The following ROPN1L variants were observed in gnomAD, a reference collection of about 807,000 sequenced individuals.
ROPN1L encodes the protein rhophilin associated tail protein 1 like.
ROPN1L carries 23 observed loss-of-function variants against 22.7 expected under a neutral mutation model. The ratio of observed to expected loss-of-function variants is 1.01; its 90% CI spans 0.73 to 1.43. The LOEUF is 1.43. Ranked by LOEUF, ROPN1L falls within the 40% of genes most tolerant of loss-of-function variation. The pLI is 0.00. For missense variants in ROPN1L, 271 were observed against 291.5 expected (o/e 0.93, Z 0.51); for synonymous variants, 116 against 117.8 (o/e 0.98, Z 0.10).
chr5:10,457,913 C>T (rs1202164398), intron 3 of ROPN1L, among the ~76,000 whole-genome samples: 1 of 152,088 alleles, frequency 6.6e-6, no homozygotes, highest in African/African-American at 2.4e-5. Flanking sequence ...GGGATGTCAG[C>T]CACCTCCGTG....
chr5:10,475,959 C>T (rs1735311463), downstream of ROPN1L, among the ~76,000 whole-genome samples: 3 of 152,210 alleles, frequency 2.0e-5, no homozygotes, highest in South Asian at 4.1e-4. Flanking sequence ...TCCATCTTGT[C>T]GCTTTGCCAT....
intron 4 of ROPN1L, among the ~76,000 whole-genome samples, chr5:10,470,273 T>G (rs56264694): frequency 0.73 from 111,237 of 152,168 alleles, 41,645 homozygotes; most frequent in Non-Finnish European, 0.81. Context: ...TTGTACAATT[T>G]GTACAATTGT....
At chr5:10,476,428 C>A (rs569676898), downstream of ROPN1L, among the ~76,000 whole-genome samples, 9 of 152,318 alleles carry the variant, frequency 5.9e-5, no homozygotes, top group Non-Finnish European at 8.8e-5. Context: ...AAAGTAGGAA[C>A]GTGGCAGATG....
intron 3 of ROPN1L, among the ~76,000 whole-genome samples, chr5:10,459,562 G>A (rs982576670): frequency 3.3e-5 from 5 of 151,930 alleles, no homozygotes; most frequent in South Asian, 2.1e-4. Flanking sequence ...CTCATTTCCC[G>A]CATCCCTGCC....
downstream of ROPN1L, among the ~76,000 whole-genome samples, chr5:10,465,217 T>G (rs2126474025): frequency 6.6e-6 from 1 of 152,350 alleles, no homozygotes; most frequent in South Asian, 2.1e-4. Flanking sequence ...CTGGGCAGTT[T>G]GAAAAGTGGC....
chr5:10,468,471 A>G (rs979998013), downstream of ROPN1L, among the ~76,000 whole-genome samples: 3 of 152,204 alleles, frequency 2.0e-5, no homozygotes, highest in Admixed American at 2.0e-4. Context: ...TGAATCATCT[A>G]TGTTCCCCTT....
intron 3 of ROPN1L, among the ~76,000 whole-genome samples, chr5:10,456,905 G>A (rs1741439346): frequency 6.6e-6 from 1 of 152,172 alleles, no homozygotes; most frequent in Admixed American, 6.5e-5. Context: ...CTCCATCCAC[G>A]CCAACTCCTT....
intron 4 of ROPN1L, among the ~76,000 whole-genome samples, chr5:10,462,771 C>T (rs957537472): frequency 1.3e-5 from 2 of 152,100 alleles, no homozygotes; most frequent in African/African-American, 4.8e-5. Flanking sequence ...CCTGTAATCC[C>T]AGCTACTCAG....
downstream of ROPN1L, among the ~76,000 whole-genome samples, chr5:10,468,155 C>T (rs1052845347): frequency 5.3e-5 from 8 of 152,240 alleles, no homozygotes; most frequent in African/African-American, 9.6e-5. Context: ...CCCTGCCTCA[C>T]GGTTGACTGT....
downstream of ROPN1L, chr5:10,465,076 T>C (rs139323648): frequency 4.2e-5 from 21 of 501,078 alleles, no homozygotes; most frequent in African/African-American, 3.7e-4. Context: ...GTGTGACTGC[T>C]TCGTGGGGCC....
chr5:10,442,121 T>G lies in ROPN1L; in HGVS notation c.-47T>G, dbSNP rs776629239. 1.3e-6 allele frequency: 2 copies of G among 1,583,864 alleles called. No individual in the cohort carries two copies. The highest frequency in any genetic ancestry group is 2.2e-5 in the South Asian group (2 of 89,338). On this transcript the variant is annotated 5_prime_UTR_variant, in exon 1 of 5. Coordinates refer to ENST00000274134, the MANE Select transcript of ROPN1L (RefSeq NM_031916.5). ...CGTAGCCGACAGCCGCCCTTCTTCC[T>G]CGCAGCGCGCCGCGATTCACCAGCC...
intron 3 of ROPN1L, among the ~76,000 whole-genome samples, chr5:10,460,105 G>A (rs1047903691): frequency 2.0e-5 from 3 of 152,264 alleles, no homozygotes; most frequent in African/African-American, 2.4e-5. Context: ...GGCCAGCTGC[G>A]GAATTAGGAC....
At chr5:10,453,936 C>T (rs549747859) in intron 3 of ROPN1L, among the ~76,000 whole-genome samples, 2 of 152,310 alleles carry the variant, frequency 1.3e-5, no homozygotes, top group Non-Finnish European at 2.9e-5. Flanking sequence ...ATCCTTGAAG[C>T]CCTGAACACT....
chr5:10,443,514 C>G (rs1333012183), intron 1 of ROPN1L, among the ~76,000 whole-genome samples: 1 of 151,220 alleles, frequency 6.6e-6, no homozygotes, highest in Non-Finnish European at 1.5e-5. Flanking sequence ...CCCAGCTACT[C>G]GGGAGGCTGA....
In ROPN1L at chr5:10,450,122, C is replaced by T; in HGVS notation, c.417+9C>T. On this transcript the variant is annotated intron_variant, in intron 3 of 4. Transcript: ENST00000274134. Reference sequence around the variant, plus strand: ...GCAGCATGCTTGGTGGGGTATGTACCTATAAACAGCATATTAATAATTCTG... The same window carrying T: ...GCAGCATGCTTGGTGGGGTATGTACTTATAAACAGCATATTAATAATTCTG... 1 of 1,571,930 alleles carries T rather than the reference C, an allele frequency of 6.4e-7. No individual in the cohort carries two copies. The highest frequency in any genetic ancestry group is 8.6e-7 in the Non-Finnish European group (1 of 1,160,218).
chr5:10,443,975 A>G (rs1247125484), intron 1 of ROPN1L, among the ~76,000 whole-genome samples: 1 of 152,080 alleles, frequency 6.6e-6, no homozygotes, highest in African/African-American at 2.4e-5. Flanking sequence ...TACCATGTAA[A>G]GTAACATTCC....
rs911892479 is a variant in ROPN1L at position 10,450,061 on chromosome 5, A to G, written c.365A>G (p.Asn122Ser). The G allele has an allele frequency of 6.2e-7, 1 of 1,613,880 alleles. No homozygotes were observed. Among genetic ancestry groups the G allele is most frequent in the Admixed American group, 1.7e-5 (1 of 59,928 alleles). The change falls in exon 3 of 5, where the codon AAC becomes AGC. Residue 122 changes from asparagine to serine, a missense_variant. Coordinates refer to ENST00000274134, the MANE Select transcript of ROPN1L (RefSeq NM_031916.5). ...CTCTTACAACTGGATCCTTGTGAAA[A>G]CAAAATCAAGTGGATAAACTTTTTA... ...KALLQLDPCE[N>S]KIKWINFLAL...
At chr5:10,481,687 G>A in the ROPN1L span, among the ~76,000 whole-genome samples, 1 of 152,200 alleles carries the variant, frequency 6.6e-6, no homozygotes, top group Non-Finnish European at 1.5e-5. Context: ...ACCCCATGGG[G>A]GTGACGTGGG....
intron 3 of ROPN1L, among the ~76,000 whole-genome samples, chr5:10,453,621 C>T (rs1029647926): frequency 5.3e-5 from 8 of 152,206 alleles, no homozygotes; most frequent in African/African-American, 1.9e-4. Flanking sequence ...CCGCTGCCTG[C>T]GTGAGCGGGA....
Sources: allele counts gnomAD v4.1 joint callset (sites outside exome capture counted in the v4.1 genomes callset), GRCh38; gene constraint gnomAD v4.1.1; transcripts MANE v1.5; gene names NCBI Gene and HGNC (gene_info 2026-07-23, HGNC 2026-07-21).